The following DACH2 variants were observed in gnomAD, a reference collection of about 807,000 sequenced individuals.
DACH2 encodes the protein dachshund family transcription factor 2, also known as dachshund homolog 2.
A neutral mutation model predicts 35.8 loss-of-function variants in DACH2; 17 were observed. That is an observed-to-expected ratio of 0.48 (90% CI 0.33 to 0.71). The LOEUF (loss-of-function observed/expected upper bound fraction) is 0.71, where lower values mean the gene tolerates loss of function less well. Among genes scored for constraint, DACH2 ranks in the 30% least tolerant of loss-of-function variants. The pLI is 0.02. For missense variants in DACH2, 469 were observed against 472.7 expected, an observed-to-expected ratio of 0.99 and a Z score of 0.07; for synonymous variants, 195 against 177.3, an observed-to-expected ratio of 1.10 and a Z score of -0.79.
In DACH2 at chrX:86,281,172, A is replaced by G. The variant is rs1285019331; in HGVS notation, c.489-95652A>G. Among the ~76,000 whole-genome samples, 5 of 111,514 alleles carry G rather than the reference A, an allele frequency of 4.5e-5. No homozygotes were observed. The South Asian group carries it at 1.9e-3, about 42-fold the overall frequency. On this transcript the variant is annotated intron_variant, in intron 1 of 11. Transcript: ENST00000373125. ...TTCTTCTCAGCACCACATCACACTT[A>G]TTCTAAAATTGAACACATACACAAA...
chrX:86,705,069 C>T (rs868163405), intron 5 of DACH2, among the ~76,000 whole-genome samples: 10 of 98,186 alleles, frequency 1.0e-4, no homozygotes, highest in African/African-American at 3.7e-4. Context: ...ATATATATCT[C>T]ACATATATAT....
chrX:86,832,210 T>A lies in DACH2; in HGVS notation c.*55T>A. The A allele has an allele frequency of 1.1e-6, 1 of 940,655 alleles. No individual in the cohort carries two copies. The highest frequency in any genetic ancestry group is 1.5e-6 in the Non-Finnish European group (1 of 657,191). The allele number at this position is 940,655 out of a possible 1,213,427, so 77.5% of individuals were successfully genotyped here. ...GATGCTTGTGATTCCAGTTTATCTCTGAAACTATTCAACATGGAGTTATTT... is the reference window on the plus strand; with the variant it reads ...GATGCTTGTGATTCCAGTTTATCTCAGAAACTATTCAACATGGAGTTATTT... On this transcript the variant is annotated 3_prime_UTR_variant, in exon 12 of 12. Coordinates refer to ENST00000373125, the MANE Select transcript of DACH2 (RefSeq NM_053281.3).
chrX:86,392,372 A>G (rs1322705601), intron 2 of DACH2, among the ~76,000 whole-genome samples: 1 of 111,996 alleles, frequency 8.9e-6, no homozygotes, highest in East Asian at 2.8e-4. Context: ...TGAATAAACC[A>G]TAAAATAATC....
intron 3 of DACH2, among the ~76,000 whole-genome samples, chrX:86,570,976 T>C (rs2148331820): frequency 9.0e-6 from 1 of 111,477 alleles, no homozygotes; most frequent in Non-Finnish European, 1.9e-5. Context: ...TTTTATTTTA[T>C]AGTTTGTGAT....
intron 1 of DACH2, among the ~76,000 whole-genome samples, chrX:86,223,990 G>A (rs1014050563): frequency 9.0e-5 from 10 of 111,694 alleles, no homozygotes; most frequent in African/African-American, 2.9e-4. Context: ...ATCAAAGAGG[G>A]TTCTCTTTGA....
At chrX:86,203,391 T>C (rs761843746) in intron 1 of DACH2, among the ~76,000 whole-genome samples, 58 of 111,771 alleles carry the variant, frequency 5.2e-4, no homozygotes, top group South Asian at 1.5e-3. Flanking sequence ...CTTAAAAAAG[T>C]GAAATCACTT....
At chrX:86,828,069 C>A in intron 11 of DACH2, 1 of 258,490 alleles carries the variant, frequency 3.9e-6, no homozygotes, top group Non-Finnish European at 6.9e-6. Flanking sequence ...AACATTATCA[C>A]ATTAATTCAC....
chrX:86,469,998 C>T (rs140987008), intron 2 of DACH2, among the ~76,000 whole-genome samples: 4,048 of 107,839 alleles, frequency 0.038, 87 homozygotes, highest in Middle Eastern at 0.061. Flanking sequence ...TACCTAAACT[C>T]TGTTTGTTTC....
At chrX:86,198,284 TA>T (rs1437021405) in intron 1 of DACH2, among the ~76,000 whole-genome samples, 2 of 112,004 alleles carry the variant, frequency 1.8e-5, no homozygotes, top group African/African-American at 6.5e-5. Flanking sequence ...AGGACATTTA[TA>T]GCGATAAACA....
chrX:86,794,529 A>G (rs1321923227), intron 7 of DACH2, among the ~76,000 whole-genome samples: 2 of 110,887 alleles, frequency 1.8e-5, no homozygotes, highest in Non-Finnish European at 3.8e-5. Flanking sequence ...TTCCTTTACA[A>G]CATGTATTAT....
chrX:86,375,334 A>G (rs916490609), intron 1 of DACH2, among the ~76,000 whole-genome samples: 1 of 102,052 alleles, frequency 9.8e-6, no homozygotes, highest in African/African-American at 3.5e-5. Context: ...ATAATTATAT[A>G]TATATTTATA....
At chrX:86,240,840 G>A (rs376155709) in intron 1 of DACH2, among the ~76,000 whole-genome samples, 1 of 110,092 alleles carries the variant, frequency 9.1e-6, no homozygotes, top group Non-Finnish European at 1.9e-5. Flanking sequence ...AAAGTGTGTG[G>A]CACCTCCCTC....
intron 3 of DACH2, among the ~76,000 whole-genome samples, chrX:86,535,984 T>A (rs1445962673): frequency 9.0e-6 from 1 of 110,559 alleles, no homozygotes; most frequent in Non-Finnish European, 1.9e-5. Flanking sequence ...CTCACAGGAT[T>A]TTATAAATTG....
At chrX:86,195,296 A>C (rs2031949313) in intron 1 of DACH2, among the ~76,000 whole-genome samples, 1 of 112,167 alleles carries the variant, frequency 8.9e-6, no homozygotes, top group Non-Finnish European at 1.9e-5. Context: ...TGCCTCTGCC[A>C]GTGCATTGCC....
Position 86,651,045 on chromosome X carries a change from C to G in DACH2, c.650C>G (p.Ala217Gly). 8.3e-7 allele frequency: 1 copy of G among 1,205,083 alleles called. No individual in the cohort carries two copies. Among genetic ancestry groups the G allele is most frequent in the Non-Finnish European group, 1.1e-6 (1 of 892,021 alleles). ...ATAATTCTGCTTTTAGGTATAACAG[C>G]TGCAGCGATGGCTGAGGCGATGAAA... ...PGLITPTGIT[A>G]AAMAEAMKLQ... The change falls in exon 4 of 12, where the codon GCT becomes GGT. Residue 217 changes from alanine to glycine, a missense_variant. Ala to Gly is a moderately conservative substitution (Grantham distance 60). Coordinates refer to ENST00000373125, the MANE Select transcript of DACH2 (RefSeq NM_053281.3).
At chrX:86,256,592 CA>C (rs2033525126) in intron 1 of DACH2, among the ~76,000 whole-genome samples, 1 of 111,591 alleles carries the variant, frequency 9.0e-6, no homozygotes, top group African/African-American at 3.3e-5. Context: ...GAAGAGAATT[CA>C]GTTGTCTTTT....
At chrX:86,747,332 T>C (rs909154549) in intron 7 of DACH2, among the ~76,000 whole-genome samples, 5 of 111,481 alleles carry the variant, frequency 4.5e-5, no homozygotes, top group African/African-American at 1.6e-4. Context: ...AACAAGATAT[T>C]TTCCTTTTAT....
rs756585879 is a variant in DACH2 at position 86,452,733 on chromosome X, G to A, written c.528-61546G>A. ...TTTTTTCTTTATTAGTCTAGCTAGT[G>A]GTATATCTATTTTATTAATTTTTTA... On this transcript the variant is annotated intron_variant, in intron 2 of 11. Coordinates refer to ENST00000373125, the MANE Select transcript of DACH2 (RefSeq NM_053281.3). Among the ~76,000 whole-genome samples the A allele has an allele frequency of 8.1e-5, 9 of 110,779 alleles. No homozygotes were observed. The East Asian group carries it at 2.5e-3, about 31-fold the overall frequency.
At chrX:86,178,436 C>A (rs1169831927) in intron 1 of DACH2, among the ~76,000 whole-genome samples, 4 of 111,205 alleles carry the variant, frequency 3.6e-5, no homozygotes, top group Non-Finnish European at 7.6e-5. Context: ...ATTCACAGTG[C>A]CAAACATAGT....
Sources: allele counts gnomAD v4.1 joint callset (sites outside exome capture counted in the v4.1 genomes callset), GRCh38; gene constraint gnomAD v4.1.1; transcripts MANE v1.5; gene names NCBI Gene and HGNC (gene_info 2026-07-23, HGNC 2026-07-21).